Variants in MLEC observed in about 807,000 individuals in gnomAD.
MLEC encodes malectin.
In MLEC, 7 loss-of-function variants were observed where a neutral mutation model predicts 28.7. That is an observed-to-expected ratio of 0.24 (90% confidence interval 0.14 to 0.46). The LOEUF (loss-of-function observed/expected upper bound fraction) is 0.46. Ranked by LOEUF, MLEC falls within the 20% of genes least tolerant of loss-of-function variation. The probability of loss-of-function intolerance (pLI) is 0.99; values close to 1 mark genes in which losing one functional copy is unlikely to be tolerated. For missense variants in MLEC, 237 were observed against 391.1 expected (o/e 0.61, Z 3.32); for synonymous variants, 142 against 164.4 (o/e 0.86, Z 1.04).
rs542512013 is a variant in MLEC, at chr12:120,701,151, C to G, written c.*4606C>G. On this transcript the variant is annotated 3_prime_UTR_variant, in exon 5 of 5. Coordinates refer to ENST00000228506, the MANE Select transcript of MLEC (RefSeq NM_014730.4). This position sits in a 1 kb window ranked among gnomAD's most constrained non-coding sequence, Gnocchi z 4.0. ...GGAAAGCAGAACTCCATTCTCACCT[C>G]TATTTTGAGCTTCAGTGCTTTATTT... is the stretch of plus-strand genomic sequence containing the variant. 2.0e-5 allele frequency: 3 copies of G among 152,306 alleles called. No individual in the cohort carries two copies. Among genetic ancestry groups the G allele is most frequent in the Admixed American group, 2.0e-4 (3 of 15,298 alleles). 9.4% of individuals were successfully genotyped at this position (152,306 alleles called of 1,614,324 possible).
At position 120,687,420 on chromosome 12, in the gene MLEC, G is replaced by A. The variant is rs781322742; in HGVS notation, c.124G>A (p.Ala42Thr). 1.4e-6 allele frequency: 2 copies of A among 1,397,610 alleles called. No individual in the cohort carries two copies. Among genetic ancestry groups the A allele is most frequent in the South Asian group, 1.9e-5 (1 of 51,728 alleles). The allele number at this position is 1,397,610 out of a possible 1,614,324, so 86.6% of individuals were successfully genotyped here. ...GGCCGGCGTGGCCGGCGCGGCGGGG[G>A]CCGGGCTGCCCGAGAGCGTCATTTG... ...GVAGVAGAAGAGLPESVIWAV... is the reference protein window; with the variant it reads ...GVAGVAGAAGTGLPESVIWAV... The change falls in exon 1 of 5, where the codon GCC (alanine) becomes ACC (threonine). Residue 42 changes from alanine to threonine, a missense_variant. Coordinates refer to ENST00000228506, the MANE Select transcript of MLEC (RefSeq NM_014730.4). The surrounding 1 kb of genome is among the most constrained non-coding windows in gnomAD (Gnocchi z 8.1).
At chr12:120,688,174 A>G (rs1238046678) in intron 1 of MLEC, among the ~76,000 whole-genome samples, 1 of 152,216 alleles carries the variant, frequency 6.6e-6, no homozygotes, top group Admixed American at 6.5e-5. Context: ...AAGAATCCGA[A>G]TGGTCTATCA....
At chr12:120,691,859 A>T (rs1484429420) in intron 1 of MLEC, among the ~76,000 whole-genome samples, 1 of 152,096 alleles carries the variant, frequency 6.6e-6, no homozygotes, top group Admixed American at 6.5e-5. Context: ...TCCACTTGGC[A>T]AGAAAAAAAA....
At chr12:120,693,145 T>G (rs1882100552) in intron 1 of MLEC, among the ~76,000 whole-genome samples, 1 of 152,252 alleles carries the variant, frequency 6.6e-6, no homozygotes, top group African/African-American at 2.4e-5. Flanking sequence ...AACTTTTTAC[T>G]TTTATCCTCT....
rs1159900518 is a variant in MLEC, at chr12:120,698,711, C to T, written c.*2166C>T. 1.3e-5 allele frequency: 2 copies of T among 152,618 alleles called. No homozygotes were observed. The highest frequency in any genetic ancestry group is 4.8e-5 in the African/African-American group (2 of 41,434). The allele number at this position is 152,618 out of a possible 1,614,324, so 9.5% of individuals were successfully genotyped here. A position where few individuals can be genotyped will look rare whatever the true frequency, so the allele number is the denominator to read the frequency against. On this transcript the variant is annotated 3_prime_UTR_variant, in exon 5 of 5. Transcript: ENST00000228506. ...CTGAGGAAGGAGGGGGTCCCGCCTT[C>T]CACCTCAACACATCCCTTCAGTGAC...
rs1334749723 is a variant in MLEC, at chr12:120,694,693, C to T, written c.415-131C>T. The stretch of plus-strand genomic sequence containing the variant: ...ACCCGGGTTAAGGATGCTAACCACC[C>T]TGGATATCCAGACCCATCATTTCTT... On this transcript the variant is annotated intron_variant, in intron 2 of 4. Transcript: ENST00000228506. This position sits in a 1 kb window ranked among gnomAD's most constrained non-coding sequence, Gnocchi z 4.5. The T allele has an allele frequency of 1.1e-6, 1 of 890,666 alleles. No individual in the cohort carries two copies. The highest frequency in any genetic ancestry group is 1.7e-5 in the African/African-American group (1 of 59,304). 55.2% of individuals were successfully genotyped at this position (890,666 alleles called of 1,614,324 possible).
At position 120,696,412 on chromosome 12, in the gene MLEC, C is replaced by T. The variant is rs1882234762; in HGVS notation, c.746C>T (p.Thr249Ile). 1.2e-6 allele frequency: 2 copies of T among 1,613,970 alleles called. No individual in the cohort carries two copies. Among genetic ancestry groups the T allele is most frequent in the African/African-American group, 1.3e-5 (1 of 74,898 alleles). The change falls in exon 5 of 5, where the codon ACC becomes ATC. Residue 249 changes from threonine to isoleucine, a missense_variant. Transcript: ENST00000228506. This position sits in a 1 kb window ranked among gnomAD's most constrained non-coding sequence, Gnocchi z 5.4. ...YDEGSNLKKQ[T>I]NKNRVQSGPR... ...GAAGGGTCTAATCTCAAAAAACAGA[C>T]CAATAAGAACCGGGTGCAGTCAGGC...
chr12:120,692,196 C>T (rs901381788), intron 1 of MLEC, among the ~76,000 whole-genome samples: 15 of 152,128 alleles, frequency 9.9e-5, no homozygotes, highest in African/African-American at 3.1e-4. Flanking sequence ...AACAATTCCC[C>T]ACCCATGCAC....
intron 1 of MLEC, 165 bp from the exon 2 acceptor site, chr12:120,693,926 C>T: frequency 1.7e-6 from 1 of 584,912 alleles, no homozygotes; most frequent in South Asian, 2.3e-5. Context: ...TGTATGATTC[C>T]TGCCTTTGTT....
Position 120,696,704 on chromosome 12 carries a change from A to C in MLEC, c.*159A>C, listed in dbSNP as rs1882255072. 9.2e-7 allele frequency: 1 copy of C among 1,089,064 alleles called. No homozygotes were observed. Among genetic ancestry groups the C allele is most frequent in the African/African-American group, 1.6e-5 (1 of 62,928 alleles). 67.5% of individuals were successfully genotyped at this position (1,089,064 alleles called of 1,614,324 possible). On this transcript the variant is annotated 3_prime_UTR_variant, in exon 5 of 5. Coordinates refer to ENST00000228506, the MANE Select transcript of MLEC (RefSeq NM_014730.4). The surrounding 1 kb of genome is among the most constrained non-coding windows in gnomAD (Gnocchi z 5.4). ...ACAAAAAGAGGCAGAGCGAGTAGAG[A>C]GCAGCCCTCATTCACCACCTGGTCC... is the stretch of plus-strand genomic sequence containing the variant.
At chr12:120,691,570 CTG>C (rs531873748) in intron 1 of MLEC, among the ~76,000 whole-genome samples, 97 of 152,352 alleles carry the variant, frequency 6.4e-4, no homozygotes, top group African/African-American at 2.3e-3. Context: ...AGTATGCTGA[CTG>C]TACACTTCAT....
rs1882333218 is a variant in MLEC, at chr12:120,698,758, C to T, written c.*2213C>T. 1 of 152,632 alleles carries T rather than the reference C, an allele frequency of 6.6e-6. No individual in the cohort carries two copies. Among genetic ancestry groups the T allele is most frequent in the Non-Finnish European group, 1.5e-5 (1 of 68,038 alleles). The allele number at this position is 152,632 out of a possible 1,614,324, so 9.5% of individuals were successfully genotyped here. A position where few individuals can be genotyped will look rare whatever the true frequency, so the allele number is the denominator to read the frequency against. On this transcript the variant is annotated 3_prime_UTR_variant, in exon 5 of 5. Coordinates refer to ENST00000228506, the MANE Select transcript of MLEC (RefSeq NM_014730.4). ...TGACTCAGAGTCTCAGAAGGAAACC[C>T]TGACTCCTGGGGCCATTTCCTAATG...
chr12:120,688,513 G>A (rs1042410795), intron 1 of MLEC, among the ~76,000 whole-genome samples: 1 of 152,206 alleles, frequency 6.6e-6, no homozygotes, highest in Non-Finnish European at 1.5e-5. Flanking sequence ...TTGGAAAACA[G>A]GTTTCAGAAG....
At chr12:120,695,712 C>T (rs1047782635) in intron 4 of MLEC, among the ~76,000 whole-genome samples, 19 of 152,310 alleles carry the variant, frequency 1.2e-4, no homozygotes, top group African/African-American at 3.8e-4. Flanking sequence ...GAGAAAGCTG[C>T]GTCTTTGTGA....
In MLEC at chr12:120,687,361, TG is replaced by T; in HGVS notation, c.66del (p.Pro23ArgfsTer62). ...CTCCTGCGACTGCTGCTGCTGCTGC[TG>T]CCGCCGGCGATCCGGGGACCCGGGC... ...VALLRLLLLL[L>X]PPAIRGPGLG... On this transcript the variant is annotated frameshift_variant, in exon 1 of 5. Coordinates refer to ENST00000228506, the MANE Select transcript of MLEC (RefSeq NM_014730.4). LOFTEE classifies it high-confidence loss of function. The surrounding 1 kb of genome is among the most constrained non-coding windows in gnomAD (Gnocchi z 8.1). The T allele has an allele frequency of 7.3e-7, 1 of 1,376,758 alleles. No homozygotes were observed. The highest frequency in any genetic ancestry group is 3.1e-5 in the East Asian group (1 of 32,500). 85.3% of individuals were successfully genotyped at this position (1,376,758 alleles called of 1,614,324 possible).
rs1882132454 is a variant in MLEC, at chr12:120,694,066, CT to C, written c.236-22del. 1 of 1,602,918 alleles carries C rather than the reference CT, an allele frequency of 6.2e-7. No individual in the cohort carries two copies. ...TCTTTTGTGTCTTGCCTCTGATGTGCTTTCTCTTTGTCTTTTGTCCTCAGCC... is the reference window on the plus strand; with the variant it reads ...TCTTTTGTGTCTTGCCTCTGATGTGCTTCTCTTTGTCTTTTGTCCTCAGCC... On this transcript the variant is annotated intron_variant, in intron 1 of 4. Transcript: ENST00000228506. The surrounding 1 kb of genome is among the most constrained non-coding windows in gnomAD (Gnocchi z 4.5).
Position 120,687,409 on chromosome 12 carries a change from G to C in MLEC, c.113G>C (p.Gly38Ala). The C allele has an allele frequency of 7.2e-7, 1 of 1,392,928 alleles. No individual in the cohort carries two copies. The highest frequency in any genetic ancestry group is 9.3e-7 in the Non-Finnish European group (1 of 1,075,448). The allele number at this position is 1,392,928 out of a possible 1,614,324, so 86.3% of individuals were successfully genotyped here. Residue 38 changes from glycine (G) to alanine (A), a missense_variant, in exon 1 of 5, where the codon GGC (glycine) becomes GCC (alanine). Physicochemically the swap from Gly to Ala is moderately conservative, Grantham distance 60 (BLOSUM62 0). Coordinates refer to ENST00000228506, the MANE Select transcript of MLEC (RefSeq NM_014730.4). The surrounding 1 kb of genome is among the most constrained non-coding windows in gnomAD (Gnocchi z 8.1). The part of the protein sequence containing the change: ...GPGLGVAGVA[G>A]AAGAGLPESV... ...GGGCTCGGCGTGGCCGGCGTGGCCG[G>C]CGCGGCGGGGGCCGGGCTGCCCGAG...
chr12:120,690,749 A>G (rs897085139), intron 1 of MLEC, among the ~76,000 whole-genome samples: 13 of 152,140 alleles, frequency 8.5e-5, no homozygotes, highest in African/African-American at 2.9e-4. Context: ...CTGGGGAAGG[A>G]TTTGGCTTTG....
Position 120,697,695 on chromosome 12 carries a change from T to G in MLEC, c.*1150T>G, listed in dbSNP as rs181924448. 5 of 152,790 alleles carry G rather than the reference T, an allele frequency of 3.3e-5. No homozygotes were observed. Among genetic ancestry groups the G allele is most frequent in the Admixed American group, 3.3e-4 (5 of 15,306 alleles). The allele number at this position is 152,790 out of a possible 1,614,324, so 9.5% of individuals were successfully genotyped here. ...CCCTACTAAGTGACTGACCACTGTTTAGAGTGTCTGGTATCTGATGTTCAT... is the reference window on the plus strand; with the variant it reads ...CCCTACTAAGTGACTGACCACTGTTGAGAGTGTCTGGTATCTGATGTTCAT... On this transcript the variant is annotated 3_prime_UTR_variant, in exon 5 of 5. Transcript: ENST00000228506. The surrounding 1 kb of genome is among the most constrained non-coding windows in gnomAD (Gnocchi z 4.8).
Sources: gnomAD v4.1 joint callset for allele counts (sites outside exome capture counted in the v4.1 genomes callset) on GRCh38, gnomAD v4.1.1 for gene constraint, Gnocchi (gnomAD v3.1) non-coding constraint, MANE v1.5 for transcripts, NCBI Gene and HGNC (gene_info 2026-07-23, HGNC 2026-07-21) for gene names.